Variants in STARD13 observed in about 807,000 individuals in gnomAD.
STARD13 encodes stAR-related lipid transfer protein 13.
STARD13 carries 62 observed loss-of-function variants against 106.4 expected under a neutral mutation model. That is an observed-to-expected ratio of 0.58 (90% CI 0.48 to 0.72). The LOEUF (loss-of-function observed/expected upper bound fraction) is 0.72. Ranked by LOEUF, STARD13 falls within the 30% of genes least tolerant of loss-of-function variation. The pLI is 0.00. For synonymous variants in STARD13, 565 were observed against 553.0 expected (o/e 1.02, Z -0.31); for missense variants, 1,387 against 1,424.0 (o/e 0.97, Z 0.42).
rs564996334 is a variant in STARD13, at chr13:33,126,456, G to A, written c.1923-216C>T. Among the ~76,000 whole-genome samples, 16 of 152,294 alleles carry A rather than the reference G, an allele frequency of 1.1e-4. No individual in the cohort carries two copies. In the East Asian group the frequency reaches 2.7e-3, roughly 26 times the overall value. ...CTAGCTACTAAACAGCATGAGTCAC[G>A]TTCCCAGAATGTATTTGTAGCTCTG... On this transcript the variant is annotated intron_variant, in intron 6 of 13. Transcript: ENST00000336934.
At chr13:33,635,794 C>T in the STARD13 span, among the ~76,000 whole-genome samples, 2 of 150,678 alleles carry the variant, frequency 1.3e-5, no homozygotes, top group Admixed American at 6.6e-5. Context: ...ACCAGCCTGG[C>T]CAATGTGGCG....
At chr13:33,439,297 T>C in the STARD13 span, among the ~76,000 whole-genome samples, 1 of 152,228 alleles carries the variant, frequency 6.6e-6, no homozygotes, top group Non-Finnish European at 1.5e-5. Flanking sequence ...AATAAACCAC[T>C]ACCCTCATAT....
chr13:33,221,839 A>G lies in STARD13; in HGVS notation c.170-54217T>C, dbSNP rs148750454. 7.4e-3 allele frequency among the ~76,000 whole-genome samples: 1,133 copies of G among 152,316 alleles called. 14 individuals carry two copies. The highest frequency in any genetic ancestry group is 0.026 in the African/African-American group (1,087 of 41,566). On this transcript the variant is annotated intron_variant, in intron 1 of 13. Transcript: ENST00000336934. ...ATGTGGTATATACATACAATGAAAT[A>G]TTACTCAGCTTTAAAAAGCAAGGGC...
chr13:33,195,818 T>C (rs918729072), intron 1 of STARD13, among the ~76,000 whole-genome samples: 1 of 152,178 alleles, frequency 6.6e-6, no homozygotes, highest in African/African-American at 2.4e-5. Context: ...TTGTACAAGT[T>C]AATAAACCCT....
chr13:33,341,860 G>A (rs1182667516), intron 1 of STARD13, among the ~76,000 whole-genome samples: 1 of 151,696 alleles, frequency 6.6e-6, no homozygotes, highest in Non-Finnish European at 1.5e-5. Flanking sequence ...TACAATCTCA[G>A]CTCACTGCAA....
chr13:33,396,548 T>C, the STARD13 span, among the ~76,000 whole-genome samples: 1 of 152,126 alleles, frequency 6.6e-6, no homozygotes, highest in Non-Finnish European at 1.5e-5. Flanking sequence ...AAGGAAACAT[T>C]TTTGCTTCAG....
Position 33,129,970 on chromosome 13 carries a change from G to T in STARD13, c.707C>A (p.Pro236His), listed in dbSNP as rs765563692. The T allele has an allele frequency of 6.2e-6, 10 of 1,613,312 alleles. No homozygotes were observed. The Admixed American group carries it at 1.5e-4, about 24-fold the overall frequency. ...GAAGGGGTGGTTGAGGACATCTCTGGGGGGCTGTGGGAGGCTGCTGCTGAC... is the reference window on the plus strand; with the variant it reads ...GAAGGGGTGGTTGAGGACATCTCTGTGGGGCTGTGGGAGGCTGCTGCTGAC... ...PLVSSSLPQP[P>H]RDVLNHPFHP... is the part of the protein sequence containing the mutation. The change falls in exon 5 of 14, where the codon CCC becomes CAC. Residue 236 changes from proline to histidine, a missense_variant. Coordinates refer to ENST00000336934, the MANE Select transcript of STARD13 (RefSeq NM_178006.4).
At chr13:33,598,175 C>T in the STARD13 span, among the ~76,000 whole-genome samples, 1 of 152,160 alleles carries the variant, frequency 6.6e-6, no homozygotes, top group Non-Finnish European at 1.5e-5. Context: ...TTGACTTCTA[C>T]TCCTAGAGAT....
chr13:33,114,941 CT>C (rs1490053749), intron 8 of STARD13, among the ~76,000 whole-genome samples: 1 of 152,112 alleles, frequency 6.6e-6, no homozygotes, highest in East Asian at 1.9e-4. Flanking sequence ...GGTCCTGCCC[CT>C]TTCCTGGCTC....
chr13:33,520,652 C>T, the STARD13 span, among the ~76,000 whole-genome samples: 6 of 152,014 alleles, frequency 3.9e-5, no homozygotes, highest in East Asian at 3.9e-4. Flanking sequence ...CAGCTGCTGT[C>T]GTGAGGATTT....
intron 1 of STARD13, 80 bp from the exon 2 acceptor site, chr13:33,167,702 G>A: frequency 7.1e-7 from 1 of 1,412,534 alleles, no homozygotes; most frequent in Non-Finnish European, 1.0e-6. Flanking sequence ...TGGAGACACT[G>A]GTGAGCTTTG....
At chr13:33,661,079 AG>A in the STARD13 span, among the ~76,000 whole-genome samples, 5 of 152,392 alleles carry the variant, frequency 3.3e-5, no homozygotes, top group Admixed American at 3.3e-4. Flanking sequence ...CACATTTAAT[AG>A]GGTGGCTTGT....
chr13:33,198,169 A>G (rs1466093651), intron 1 of STARD13, among the ~76,000 whole-genome samples: 1 of 152,244 alleles, frequency 6.6e-6, no homozygotes, highest in East Asian at 1.9e-4. Context: ...CTCCGTCTCA[A>G]AAAAACAAAA....
intron 3 of STARD13, among the ~76,000 whole-genome samples, chr13:33,151,171 C>G (rs374593859): frequency 1.3e-5 from 2 of 151,978 alleles, no homozygotes; most frequent in East Asian, 3.9e-4. Flanking sequence ...GGGTATAATC[C>G]AGGAATTGCA....
the STARD13 span, among the ~76,000 whole-genome samples, chr13:33,422,874 G>A: frequency 2.2e-4 from 34 of 152,224 alleles, no homozygotes; most frequent in African/African-American, 6.7e-4. Context: ...AATGGTGCTG[G>A]GAAAACTGGC....
At chr13:33,213,349 T>C (rs181121707) in intron 1 of STARD13, among the ~76,000 whole-genome samples, 1 of 151,970 alleles carries the variant, frequency 6.6e-6, no homozygotes, top group East Asian at 1.9e-4. Context: ...CGGCAAAGAG[T>C]CAACCATGCA....
intron 1 of STARD13, among the ~76,000 whole-genome samples, chr13:33,328,575 C>T (rs2077802473): frequency 1.3e-5 from 2 of 152,082 alleles, no homozygotes. Context: ...GAAAGATTGA[C>T]CAAGAAAGGG....
At chr13:33,169,521 G>A (rs1005876121) in intron 1 of STARD13, among the ~76,000 whole-genome samples, 3 of 152,200 alleles carry the variant, frequency 2.0e-5, no homozygotes, top group African/African-American at 7.2e-5. Context: ...GGATAGTAAC[G>A]AGAAAACACC....
At chr13:33,272,987 T>C (rs541678007) in intron 1 of STARD13, 1 of 152,338 alleles carries the variant, frequency 6.6e-6, no homozygotes, top group Non-Finnish European at 1.5e-5. Flanking sequence ...TGTTTTACAA[T>C]TGCAGCTGCA....
Sources: gnomAD v4.1 joint callset for allele counts (sites outside exome capture counted in the v4.1 genomes callset) on GRCh38, gnomAD v4.1.1 for gene constraint, MANE v1.5 for transcripts, NCBI Gene and HGNC (gene_info 2026-07-23, HGNC 2026-07-21) for gene names.